SCRN1: variants seen among roughly 807,000 people sequenced by gnomAD.
The protein encoded by SCRN1 is secernin 1.
In SCRN1, 19 loss-of-function variants were observed where a neutral mutation model predicts 43.3. The ratio of observed to expected loss-of-function variants is 0.44; its 90% CI spans 0.31 to 0.64. SCRN1 has a LOEUF of 0.64. Among genes scored for constraint, SCRN1 ranks in the 30% least tolerant of loss-of-function variants. The pLI, the probability that SCRN1 is intolerant of heterozygous loss-of-function variation, is 0.09. For synonymous variants in SCRN1, 183 were observed against 188.9 expected (o/e 0.97, Z 0.26); for missense variants, 447 against 524.1 (o/e 0.85, Z 1.44).
At position 29,921,844 on chromosome 7, in the gene SCRN1, A is replaced by T. The variant is rs1381541939; in HGVS notation, c.*2113T>A. 1 of 152,176 alleles carries T rather than the reference A, an allele frequency of 6.6e-6. No individual in the cohort carries two copies. Among genetic ancestry groups the T allele is most frequent in the Non-Finnish European group, 1.5e-5 (1 of 68,032 alleles). 9.4% of individuals were successfully genotyped at this position (152,176 alleles called of 1,614,324 possible). A position where few individuals can be genotyped will look rare whatever the true frequency, so the allele number is the denominator to read the frequency against. On this transcript the variant is annotated 3_prime_UTR_variant, in exon 8 of 8. Transcript: ENST00000242059. ...CTTCTGTGTAATTAATTCTTACTAGACTTCTTTTGATCAAATCCTGAATCA... is the reference window on the plus strand; with the variant it reads ...CTTCTGTGTAATTAATTCTTACTAGTCTTCTTTTGATCAAATCCTGAATCA...
Position 29,965,344 on chromosome 7 carries a change from G to A in SCRN1, c.159+3565C>T, listed in dbSNP as rs1788453549. Among the ~76,000 whole-genome samples, 1 of 152,116 alleles carries A rather than the reference G, an allele frequency of 6.6e-6. No homozygotes were observed. Among genetic ancestry groups the A allele is most frequent in the Non-Finnish European group, 1.5e-5 (1 of 68,018 alleles). On this transcript the variant is annotated intron_variant, in intron 2 of 7. Transcript: ENST00000242059. This position sits in a 1 kb window ranked among gnomAD's most constrained non-coding sequence, Gnocchi z 4.2. ...TAGGGAGAAGAACCCAGGAGAAAGA[G>A]ACCCAGGGACAAATGAGAAGATTGT...
chr7:29,957,489 A>G (rs1788172085), intron 2 of SCRN1, among the ~76,000 whole-genome samples: 1 of 152,126 alleles, frequency 6.6e-6, no homozygotes, highest in Non-Finnish European at 1.5e-5. Context: ...GACTTATTAC[A>G]TGTACTGTTT....
Position 29,955,352 on chromosome 7 carries a change from G to A in SCRN1, c.168C>T (p.Tyr56=). Reference sequence around the variant, plus strand: ...TCCTTGGAACTTGGTCGATTGAAATGTAAGTGCACTGAAAAACAAACACAG... The same window carrying A: ...TCCTTGGAACTTGGTCGATTGAAATATAAGTGCACTGAAAAACAAACACAG... ...HEPESKVECT[Y]ISIDQVPRTY... The change falls in exon 3 of 8, where the codon TAC becomes TAT. Residue 56 remains tyrosine, a synonymous_variant. Transcript: ENST00000242059. The A allele has an allele frequency of 6.2e-7, 1 of 1,612,992 alleles. No individual in the cohort carries two copies.
At chr7:29,960,427 G>C (rs1305934121) in intron 2 of SCRN1, among the ~76,000 whole-genome samples, 1 of 151,566 alleles carries the variant, frequency 6.6e-6, no homozygotes, top group East Asian at 1.9e-4. Flanking sequence ...AAATGATAAA[G>C]ACTTTAAGAA....
chr7:29,939,347 G>A (rs1344689400), intron 5 of SCRN1, among the ~76,000 whole-genome samples: 1 of 152,058 alleles, frequency 6.6e-6, no homozygotes, highest in Non-Finnish European at 1.5e-5. Flanking sequence ...TGAAGAGCTG[G>A]AACTATAGGC....
chr7:29,978,527 G>A (rs1173818707), intron 1 of SCRN1, among the ~76,000 whole-genome samples: 1 of 152,134 alleles, frequency 6.6e-6, no homozygotes, highest in Non-Finnish European at 1.5e-5. Context: ...ATAGGTACAA[G>A]AGAATGACAC....
intron 2 of SCRN1, among the ~76,000 whole-genome samples, chr7:29,966,264 CA>C (rs1788495683): frequency 6.6e-6 from 1 of 151,648 alleles, no homozygotes; most frequent in African/African-American, 2.4e-5. Flanking sequence ...CACCATGCTC[CA>C]CCGGTCAGAG....
At chr7:29,982,674 C>T (rs1789024213) in intron 1 of SCRN1, among the ~76,000 whole-genome samples, 1 of 102,834 alleles carries the variant, frequency 9.7e-6, no homozygotes, top group Non-Finnish European at 1.9e-5. Context: ...CAGAGCGAGA[C>T]CCTGTCTCAA....
chr7:29,949,201 GC>G (rs1478430778), intron 3 of SCRN1, among the ~76,000 whole-genome samples: 1 of 151,600 alleles, frequency 6.6e-6, no homozygotes, highest in Non-Finnish European at 1.5e-5. Context: ...TATAGTCCCA[GC>G]TACTCGGGAG....
Position 29,921,719 on chromosome 7 carries a change from T to C in SCRN1, c.*2238A>G, listed in dbSNP as rs1489966328. 1 of 152,238 alleles carries C rather than the reference T, an allele frequency of 6.6e-6. No individual in the cohort carries two copies. The highest frequency in any genetic ancestry group is 1.9e-4 in the East Asian group (1 of 5,198). The allele number at this position is 152,238 out of a possible 1,614,324, so 9.4% of individuals were successfully genotyped here. ...TTAAGATGCTTGACCAAGGTCAATG[T>C]ACCCTAACAGAAGTAGCCATTGTGT... On this transcript the variant is annotated 3_prime_UTR_variant, in exon 8 of 8. Coordinates refer to ENST00000242059, the MANE Select transcript of SCRN1 (RefSeq NM_014766.5).
intron 1 of SCRN1, among the ~76,000 whole-genome samples, chr7:29,989,398 A>C (rs1236427866): frequency 6.6e-6 from 1 of 151,804 alleles, no homozygotes; most frequent in East Asian, 2.0e-4. Flanking sequence ...GCATCCCTCC[A>C]CTGCACCCCC....
At chr7:29,990,153 A>G, upstream of SCRN1, 1 of 1,551,490 alleles carries the variant, frequency 6.4e-7, no homozygotes, top group South Asian at 1.2e-5. Context: ...CCCACACAAG[A>G]TTTCCCCGGA....
chr7:29,990,236 A>G (rs923534274), upstream of SCRN1: 12 of 1,551,504 alleles, frequency 7.7e-6, no homozygotes, highest in East Asian at 4.9e-5. Context: ...GCCGTCCTGT[A>G]CCATGTTGGT....
intron 3 of SCRN1, chr7:29,947,083 G>T: frequency 7.6e-7 from 1 of 1,316,238 alleles, no homozygotes; most frequent in Non-Finnish European, 1.0e-6. Context: ...GGCAGGACCA[G>T]GACAGGGAAG....
chr7:29,958,169 C>G (rs981476773), intron 2 of SCRN1, among the ~76,000 whole-genome samples: 1 of 152,194 alleles, frequency 6.6e-6, no homozygotes, highest in Non-Finnish European at 1.5e-5. Context: ...ATCTTTGTCA[C>G]GGGCCACAGA....
Position 29,950,802 on chromosome 7 carries a change from C to T in SCRN1, c.341+4377G>A, listed in dbSNP as rs1190020251. 6.6e-6 allele frequency among the ~76,000 whole-genome samples: 1 copy of T among 152,206 alleles called. No individual in the cohort carries two copies. Among genetic ancestry groups the T allele is most frequent in the African/African-American group, 2.4e-5 (1 of 41,450 alleles). ...TCCTCTCTGCTGAGAGCTGGATACT[C>T]GTCAGGATGACCTGCCTGCAGAATG... is the stretch of plus-strand genomic sequence containing the variant. On this transcript the variant is annotated intron_variant, in intron 3 of 7. Transcript: ENST00000242059. The surrounding 1 kb of genome is among the most constrained non-coding windows in gnomAD (Gnocchi z 4.5).
intron 1 of SCRN1, among the ~76,000 whole-genome samples, chr7:29,971,601 T>C (rs1488134893): frequency 6.7e-6 from 1 of 148,644 alleles, no homozygotes; most frequent in Non-Finnish European, 1.5e-5. Flanking sequence ...GCCACTGCAC[T>C]CTCAGCCTGG....
chr7:29,953,578 A>G (rs1469136891), intron 3 of SCRN1, among the ~76,000 whole-genome samples: 1 of 152,164 alleles, frequency 6.6e-6, no homozygotes, highest in Non-Finnish European at 1.5e-5. Flanking sequence ...TCATTTTGCT[A>G]ATCAAGAGAA....
At chr7:29,940,275 A>G (rs2128089671) in intron 5 of SCRN1, among the ~76,000 whole-genome samples, 1 of 152,356 alleles carries the variant, frequency 6.6e-6, no homozygotes, top group Non-Finnish European at 1.5e-5. Context: ...ACAAAAAATT[A>G]TACAGGCATC....
Sources: gnomAD v4.1 joint callset for allele counts (sites outside exome capture counted in the v4.1 genomes callset) on GRCh38, gnomAD v4.1.1 for gene constraint, Gnocchi (gnomAD v3.1) non-coding constraint, MANE v1.5 for transcripts, NCBI Gene and HGNC (gene_info 2026-07-23, HGNC 2026-07-21) for gene names.